The following NRXN3 variants were observed in gnomAD, a reference collection of about 807,000 sequenced individuals.
The protein encoded by NRXN3 is neurexin 3.
A neutral mutation model predicts 137.6 loss-of-function variants in NRXN3; 32 were observed. The observed-to-expected ratio is 0.23, with a 90% CI of 0.18 to 0.31. The LOEUF is 0.31. Among genes scored for constraint, NRXN3 ranks in the 10% least tolerant of loss-of-function variants. The pLI is 1.00. For missense variants in NRXN3, 1,574 were observed against 2,062.5 expected (o/e 0.76, Z 4.59); for synonymous variants, 798 against 784.5 (o/e 1.02, Z -0.29).
intron 15 of NRXN3, among the ~76,000 whole-genome samples, chr14:79,145,411 C>T (rs933551769): frequency 5.3e-5 from 8 of 152,062 alleles, no homozygotes; most frequent in African/African-American, 1.9e-4. Context: ...ATCTCTAGTC[C>T]ACTTTTGATA....
chr14:78,543,838 G>A lies in NRXN3; in HGVS notation c.758-101282G>A, dbSNP rs571714765. Among the ~76,000 whole-genome samples the A allele has an allele frequency of 1.4e-4, 22 of 152,212 alleles. No individual in the cohort carries two copies. The South Asian group carries it at 4.0e-3, about 27-fold the overall frequency. ...CTTGAGTGCAGGTAGCCTCTTCAGG[G>A]TAGAGTAAAACAACAAAAAAGTCAA... On this transcript the variant is annotated intron_variant, in intron 4 of 20. Coordinates refer to ENST00000335750, the MANE Select transcript of NRXN3 (RefSeq NM_001330195.2).
chr14:79,294,016 A>C (rs574634267), intron 15 of NRXN3, among the ~76,000 whole-genome samples: 2 of 152,372 alleles, frequency 1.3e-5, no homozygotes, highest in East Asian at 3.9e-4. Flanking sequence ...AAGGATCATC[A>C]CAAGACACCA....
intron 16 of NRXN3, among the ~76,000 whole-genome samples, chr14:79,484,845 A>C (rs538190883): frequency 6.6e-6 from 1 of 152,316 alleles, no homozygotes; most frequent in Non-Finnish European, 1.5e-5. Flanking sequence ...TGGGGCCCAC[A>C]TATTCAGATC....
chr14:79,800,607 A>T (rs2099175240), intron 19 of NRXN3, among the ~76,000 whole-genome samples: 1 of 152,228 alleles, frequency 6.6e-6, no homozygotes, highest in Non-Finnish European at 1.5e-5. Context: ...AATTTGTTCT[A>T]CTTATAGCAA....
intron 15 of NRXN3, among the ~76,000 whole-genome samples, chr14:79,192,588 C>A (rs938273091): frequency 3.9e-5 from 6 of 152,018 alleles, no homozygotes; most frequent in Non-Finnish European, 8.8e-5. Flanking sequence ...AAGAAAAAGT[C>A]ACTTCACTTC....
rs909163519 is a variant in NRXN3, at chr14:79,515,552, C to T, written c.3444+48150C>T. 1.0e-4 allele frequency among the ~76,000 whole-genome samples: 15 copies of T among 143,168 alleles called. 1 individual carries two copies. The highest frequency in any genetic ancestry group is 4.2e-4 in the African/African-American group (14 of 33,090). 93.9% of individuals were successfully genotyped at this position (143,168 alleles called of 152,430 possible). A position where few individuals can be genotyped will look rare whatever the true frequency, so the allele number is the denominator to read the frequency against. ...CACATCACAGTGATCATCACAGTCC[C>T]CAGTCATAAAGAGTAGTTTCTTACA... On this transcript the variant is annotated intron_variant, in intron 16 of 20. Coordinates refer to ENST00000335750, the MANE Select transcript of NRXN3 (RefSeq NM_001330195.2).
At chr14:79,234,306 ATAT>A (rs1335409563) in intron 15 of NRXN3, among the ~76,000 whole-genome samples, 3 of 64,924 alleles carry the variant, frequency 4.6e-5, no homozygotes, top group African/African-American at 2.2e-4. Flanking sequence ...ATATATATAT[ATAT>A]ATATATATAT....
In NRXN3 at chr14:78,174,047, G is replaced by C. The variant is rs184129176; in HGVS notation, c.-704+3373G>C. On this transcript the variant is annotated intron_variant, in intron 1 of 20. Coordinates refer to ENST00000335750, the MANE Select transcript of NRXN3 (RefSeq NM_001330195.2). ...TTCCCTAAAGCTGTCGTGTGTCGCA[G>C]TTCATGGGATTAGCATGTTGGAGAG... 7.2e-5 allele frequency among the ~76,000 whole-genome samples: 11 copies of C among 152,200 alleles called. No homozygotes were observed. In the East Asian group the frequency reaches 2.1e-3, roughly 29 times the overall value.
intron 4 of NRXN3, among the ~76,000 whole-genome samples, chr14:78,471,250 T>C (rs2095260425): frequency 6.6e-6 from 1 of 151,588 alleles, no homozygotes; most frequent in Non-Finnish European, 1.5e-5. Flanking sequence ...GTGAGTGTCT[T>C]CATTCTTCTC....
intron 8 of NRXN3, among the ~76,000 whole-genome samples, chr14:78,734,256 C>T (rs1048958859): frequency 2.8e-5 from 4 of 144,672 alleles, no homozygotes; most frequent in Non-Finnish European, 6.1e-5. Context: ...CACACACACC[C>T]TTTTCATCTT....
At chr14:79,564,372 T>C (rs2097529065) in intron 16 of NRXN3, among the ~76,000 whole-genome samples, 1 of 152,116 alleles carries the variant, frequency 6.6e-6, no homozygotes, top group Non-Finnish European at 1.5e-5. Flanking sequence ...TTATCTCAAT[T>C]TGCCAGGTAT....
chr14:79,447,114 G>A (rs2096074175), intron 15 of NRXN3, among the ~76,000 whole-genome samples: 3 of 152,284 alleles, frequency 2.0e-5, no homozygotes, highest in South Asian at 2.1e-4. Context: ...ACATTGTGGA[G>A]AAATAATAGC....
chr14:78,710,945 C>T (rs2098401985), intron 7 of NRXN3, among the ~76,000 whole-genome samples: 1 of 152,212 alleles, frequency 6.6e-6, no homozygotes, highest in African/African-American at 2.4e-5. Flanking sequence ...TGAATAGTGT[C>T]TACCCTTTTA....
chr14:78,423,994 T>C (rs903649327), intron 4 of NRXN3, among the ~76,000 whole-genome samples: 2 of 152,068 alleles, frequency 1.3e-5, no homozygotes, highest in African/African-American at 4.8e-5. Flanking sequence ...AGGAAAGTGG[T>C]TTATAGTCTA....
chr14:78,431,728 C>T (rs2093886656), intron 4 of NRXN3, among the ~76,000 whole-genome samples: 1 of 152,092 alleles, frequency 6.6e-6, no homozygotes, highest in African/African-American at 2.4e-5. Flanking sequence ...TCTACTTCCT[C>T]AGTTTTACAG....
chr14:79,105,593 C>T (rs745384464), intron 15 of NRXN3, among the ~76,000 whole-genome samples: 5 of 152,136 alleles, frequency 3.3e-5, no homozygotes, highest in Non-Finnish European at 5.9e-5. Flanking sequence ...AAGCATTTCC[C>T]CATGTTTCCT....
chr14:79,236,827 A>G (rs1259869754), intron 15 of NRXN3, among the ~76,000 whole-genome samples: 1 of 152,110 alleles, frequency 6.6e-6, no homozygotes, highest in Non-Finnish European at 1.5e-5. Flanking sequence ...AGGTGGGAGG[A>G]TCACTTTAAC....
intron 8 of NRXN3, among the ~76,000 whole-genome samples, chr14:78,773,990 C>T (rs1432506404): frequency 4.0e-4 from 61 of 152,084 alleles, no homozygotes; most frequent in African/African-American, 1.4e-3. Context: ...TTAGTAGAGA[C>T]GGAGTTTCAC....
At chr14:78,765,353 A>C (rs1417269410) in intron 8 of NRXN3, among the ~76,000 whole-genome samples, 1 of 152,064 alleles carries the variant, frequency 6.6e-6, no homozygotes, top group East Asian at 1.9e-4. Context: ...GGGTTTCTCC[A>C]TGTTGGTCAG....
Sources: allele counts gnomAD v4.1 joint callset (sites outside exome capture counted in the v4.1 genomes callset), GRCh38; gene constraint gnomAD v4.1.1; transcripts MANE v1.5; gene names NCBI Gene and HGNC (gene_info 2026-07-23, HGNC 2026-07-21).